Variants in ADAMTSL1 observed in about 807,000 individuals in gnomAD.
The protein encoded by ADAMTSL1 is ADAMTS-like protein 1.
A neutral mutation model predicts 201.8 loss-of-function variants in ADAMTSL1; 126 were observed. The ratio of observed to expected loss-of-function variants is 0.62; its 90% CI spans 0.54 to 0.72. The LOEUF (loss-of-function observed/expected upper bound fraction) is 0.72. Among genes scored for constraint, ADAMTSL1 ranks in the 30% least tolerant of loss-of-function variants. The pLI is 0.00. For missense variants in ADAMTSL1, 2,679 were observed against 2,277.8 expected (o/e 1.18, Z -3.59); for synonymous variants, 1,121 against 903.4 (o/e 1.24, Z -4.32).
chr9:18,017,525 T>C (rs985731026), intron 1 of ADAMTSL1, among the ~76,000 whole-genome samples: 1 of 151,826 alleles, frequency 6.6e-6, no homozygotes, highest in African/African-American at 2.4e-5. Context: ...ACTCATGGAG[T>C]CCTATCTGTG....
chr9:17,973,950 G>T (rs1818327826), intron 1 of ADAMTSL1, among the ~76,000 whole-genome samples: 1 of 151,312 alleles, frequency 6.6e-6, no homozygotes, highest in South Asian at 2.1e-4. Context: ...GTTCACTCAT[G>T]ATTTGGCTCT....
intron 1 of ADAMTSL1, among the ~76,000 whole-genome samples, chr9:18,014,022 G>A (rs2131563737): frequency 6.6e-6 from 1 of 152,134 alleles, no homozygotes; most frequent in South Asian, 2.1e-4. Flanking sequence ...ACCTTCCAGA[G>A]ATTACCATCA....
At chr9:17,993,984 T>A (rs1223438948) in intron 1 of ADAMTSL1, among the ~76,000 whole-genome samples, 1 of 152,006 alleles carries the variant, frequency 6.6e-6, no homozygotes, top group Non-Finnish European at 1.5e-5. Flanking sequence ...GAAACTACCT[T>A]ATGTTTGGTG....
chr9:18,336,654 A>T (rs1210560288), intron 2 of ADAMTSL1, among the ~76,000 whole-genome samples: 4 of 152,150 alleles, frequency 2.6e-5, no homozygotes. Context: ...AAGGTTACAA[A>T]AAGTAAAAGG....
At chr9:18,079,001 G>A (rs940620141) in intron 1 of ADAMTSL1, among the ~76,000 whole-genome samples, 2 of 152,156 alleles carry the variant, frequency 1.3e-5, no homozygotes, top group African/African-American at 4.8e-5. Flanking sequence ...GGTTCCCCAG[G>A]CAGGGGTCAG....
chr9:18,120,385 C>G (rs780646909), intron 1 of ADAMTSL1, among the ~76,000 whole-genome samples: 15 of 152,134 alleles, frequency 9.9e-5, no homozygotes, highest in Non-Finnish European at 2.1e-4. Flanking sequence ...ATCTGTTCAT[C>G]ACACACCATT....
At chr9:18,721,907 G>T (rs1833409192) in intron 15 of ADAMTSL1, among the ~76,000 whole-genome samples, 1 of 152,212 alleles carries the variant, frequency 6.6e-6, no homozygotes, top group Admixed American at 6.5e-5. Context: ...CCTGTGGCAT[G>T]GCTGGTATGT....
intron 4 of ADAMTSL1, among the ~76,000 whole-genome samples, chr9:18,583,005 C>A (rs997034665): frequency 1.3e-5 from 2 of 152,162 alleles, no homozygotes; most frequent in African/African-American, 4.8e-5. Flanking sequence ...GCTGCCCCAG[C>A]CACATGAAAC....
At chr9:18,616,032 C>A (rs1825680229) in intron 4 of ADAMTSL1, among the ~76,000 whole-genome samples, 1 of 147,972 alleles carries the variant, frequency 6.8e-6, no homozygotes, top group African/African-American at 2.5e-5. Flanking sequence ...TTAAAAATTG[C>A]TTTTTTTTTT....
intron 1 of ADAMTSL1, among the ~76,000 whole-genome samples, chr9:17,977,117 G>A (rs1339894185): frequency 6.6e-6 from 1 of 152,042 alleles, no homozygotes; most frequent in Admixed American, 6.6e-5. Context: ...TTAATGGGGT[G>A]TATCACATTT....
At chr9:18,686,755 C>T (rs557695373) in intron 13 of ADAMTSL1, among the ~76,000 whole-genome samples, 2 of 152,250 alleles carry the variant, frequency 1.3e-5, no homozygotes, top group East Asian at 3.9e-4. Flanking sequence ...CATCTTACAT[C>T]GATAAGCATC....
At chr9:17,922,991 G>A (rs1200888870) in intron 1 of ADAMTSL1, among the ~76,000 whole-genome samples, 1 of 152,096 alleles carries the variant, frequency 6.6e-6, no homozygotes, top group Non-Finnish European at 1.5e-5. Flanking sequence ...TTTTCTTCAA[G>A]TCATCATGCC....
chr9:17,966,737 A>G (rs1817993509), intron 1 of ADAMTSL1, among the ~76,000 whole-genome samples: 1 of 152,142 alleles, frequency 6.6e-6, no homozygotes, highest in Non-Finnish European at 1.5e-5. Flanking sequence ...AGTGCTACAA[A>G]TGGTGATAGT....
At chr9:18,826,202 A>G in intron 21 of ADAMTSL1, 82 bp from the exon 22 acceptor site, 2 of 1,511,038 alleles carry the variant, frequency 1.3e-6, no homozygotes, top group Non-Finnish European at 1.8e-6. Flanking sequence ...AGGGGGATTC[A>G]AGAAGCTATA....
chr9:18,045,534 T>C (rs750777333), intron 1 of ADAMTSL1, among the ~76,000 whole-genome samples: 3 of 152,182 alleles, frequency 2.0e-5, no homozygotes, highest in Non-Finnish European at 4.4e-5. Context: ...CCATTCATGA[T>C]CAATGAATGC....
intron 2 of ADAMTSL1, among the ~76,000 whole-genome samples, chr9:18,290,806 G>A (rs1833227666): frequency 7.6e-6 from 1 of 131,632 alleles, no homozygotes; most frequent in Non-Finnish European, 1.7e-5. Flanking sequence ...TTTTGAGGCA[G>A]AGTCTCGCTC....
chr9:18,180,473 C>T (rs1828410285), intron 2 of ADAMTSL1, among the ~76,000 whole-genome samples: 2 of 140,754 alleles, frequency 1.4e-5, no homozygotes, highest in Admixed American at 1.6e-4. Context: ...GCGGAGCTTG[C>T]AGTGAGCCAA....
At chr9:18,514,336 T>C (rs1318728857) in intron 2 of ADAMTSL1, among the ~76,000 whole-genome samples, 1 of 138,884 alleles carries the variant, frequency 7.2e-6, no homozygotes, top group Non-Finnish European at 1.5e-5. Flanking sequence ...TCTTTTTTTT[T>C]TTTTTTTTTT....
At chr9:18,398,512 C>T (rs995727002) in intron 2 of ADAMTSL1, among the ~76,000 whole-genome samples, 31 of 152,246 alleles carry the variant, frequency 2.0e-4, no homozygotes, top group African/African-American at 6.3e-4. Context: ...TCACAATACC[C>T]ATTTGAATTT....
Sources: allele counts gnomAD v4.1 joint callset (sites outside exome capture counted in the v4.1 genomes callset), GRCh38; gene constraint gnomAD v4.1.1; transcripts MANE v1.5; gene names NCBI Gene and HGNC (gene_info 2026-07-23, HGNC 2026-07-21).